Variants in MAGI2 observed in about 807,000 individuals in gnomAD.
MAGI2 encodes membrane-associated guanylate kinase, WW and PDZ domain-containing protein 2.
Under a neutral mutation model 133.3 loss-of-function variants are expected in MAGI2, and 35 were observed. The observed-to-expected ratio is 0.26, with a 90% CI of 0.20 to 0.35. The LOEUF is 0.35. Among genes scored for constraint, MAGI2 ranks in the 10% least tolerant of loss-of-function variants. The probability of loss-of-function intolerance (pLI) is 1.00; values close to 1 mark genes in which losing one functional copy is unlikely to be tolerated. For missense variants in MAGI2, 1,636 were observed against 1,863.4 expected (o/e 0.88, Z 2.25); for synonymous variants, 729 against 710.6 (o/e 1.03, Z -0.41).
At chr7:79,110,466 G>T (rs1174911000) in intron 1 of MAGI2, among the ~76,000 whole-genome samples, 1 of 152,164 alleles carries the variant, frequency 6.6e-6, no homozygotes, top group Non-Finnish European at 1.5e-5. Context: ...AAACTTGCAT[G>T]GGGCCTATAG....
chr7:78,671,456 T>C (rs570116587), intron 2 of MAGI2, among the ~76,000 whole-genome samples: 3 of 152,282 alleles, frequency 2.0e-5, no homozygotes, highest in East Asian at 3.9e-4. Flanking sequence ...CTGAAATTCA[T>C]GGACATGCCC....
chr7:78,484,330 AAGAT>A (rs961795064), intron 6 of MAGI2: 2 of 152,012 alleles, frequency 1.3e-5, no homozygotes, highest in Non-Finnish European at 2.9e-5. Flanking sequence ...CTTTTTTAAA[AAGAT>A]AGATTAATTA....
intron 1 of MAGI2, among the ~76,000 whole-genome samples, chr7:79,263,064 C>A (rs1359311656): frequency 6.6e-6 from 1 of 152,184 alleles, no homozygotes; most frequent in Non-Finnish European, 1.5e-5. Context: ...TAGAAGTAGA[C>A]AACCATGTGA....
chr7:78,100,271 A>G (rs1338152839), intron 20 of MAGI2, among the ~76,000 whole-genome samples: 3 of 152,188 alleles, frequency 2.0e-5, no homozygotes, highest in African/African-American at 7.2e-5. Flanking sequence ...TTTTCCCCAC[A>G]AAAGGATTTG....
chr7:78,131,886 AT>A (rs1307533293), intron 18 of MAGI2, among the ~76,000 whole-genome samples: 1 of 152,052 alleles, frequency 6.6e-6, no homozygotes, highest in African/African-American at 2.4e-5. Flanking sequence ...AATTTATTTT[AT>A]TTTTGAGACA....
chr7:78,710,184 A>T (rs1819040409), intron 2 of MAGI2, among the ~76,000 whole-genome samples: 1 of 152,174 alleles, frequency 6.6e-6, no homozygotes, highest in Non-Finnish European at 1.5e-5. Flanking sequence ...TATAGCAGAC[A>T]AGATTACACA....
intron 6 of MAGI2, among the ~76,000 whole-genome samples, chr7:78,381,062 T>C (rs1460915520): frequency 6.6e-6 from 1 of 152,070 alleles, no homozygotes; most frequent in Non-Finnish European, 1.5e-5. Context: ...TGAAACAAAA[T>C]GAGGCTAGGT....
chr7:78,907,685 T>C (rs73373298), intron 2 of MAGI2, among the ~76,000 whole-genome samples: 38 of 152,264 alleles, frequency 2.5e-4, no homozygotes, highest in African/African-American at 8.7e-4. Context: ...CTAAGTATAT[T>C]CATTTACCTG....
chr7:78,211,685 C>T (rs1325855405), intron 10 of MAGI2, among the ~76,000 whole-genome samples: 1 of 152,178 alleles, frequency 6.6e-6, no homozygotes, highest in Non-Finnish European at 1.5e-5. Flanking sequence ...TCATTTAATG[C>T]TTTTGATGGA....
chr7:79,095,348 C>G (rs572472353), intron 1 of MAGI2, among the ~76,000 whole-genome samples: 2 of 152,312 alleles, frequency 1.3e-5, no homozygotes, highest in Non-Finnish European at 2.9e-5. Context: ...TTTATCATTC[C>G]TATGTTCACT....
intron 1 of MAGI2, among the ~76,000 whole-genome samples, chr7:79,144,304 C>A (rs1219805183): frequency 3.9e-5 from 6 of 152,116 alleles, no homozygotes; most frequent in Non-Finnish European, 7.4e-5. Flanking sequence ...GAATTGTAAT[C>A]CCCAGTGGTT....
chr7:78,665,746 T>C (rs1004026112), intron 2 of MAGI2, among the ~76,000 whole-genome samples: 1 of 152,080 alleles, frequency 6.6e-6, no homozygotes, highest in Non-Finnish European at 1.5e-5. Flanking sequence ...GCCAAAATAA[T>C]ACATGGAAAG....
intron 3 of MAGI2, among the ~76,000 whole-genome samples, chr7:78,563,009 T>A (rs1299377667): frequency 6.6e-6 from 1 of 151,636 alleles, no homozygotes; most frequent in Admixed American, 6.6e-5. Context: ...TTTTTTTTTT[T>A]AATGAGTGGT....
intron 2 of MAGI2, among the ~76,000 whole-genome samples, chr7:78,978,890 A>G (rs1485895366): frequency 6.6e-6 from 1 of 151,822 alleles, no homozygotes; most frequent in Non-Finnish European, 1.5e-5. Context: ...AACAACTATG[A>G]AACCACTATA....
chr7:78,319,862 C>T (rs1469169887), intron 9 of MAGI2, among the ~76,000 whole-genome samples: 2 of 151,792 alleles, frequency 1.3e-5, no homozygotes, highest in Non-Finnish European at 2.9e-5. Flanking sequence ...AAAAGATCAA[C>T]AAAATAGACC....
chr7:79,396,082 T>C (rs1845031309), intron 1 of MAGI2, among the ~76,000 whole-genome samples: 3 of 152,208 alleles, frequency 2.0e-5, no homozygotes, highest in Non-Finnish European at 2.9e-5. Flanking sequence ...TCCCATCATT[T>C]AGCCCAGCGA....
chr7:78,199,409 C>T (rs113561261), intron 11 of MAGI2, among the ~76,000 whole-genome samples: 3 of 152,326 alleles, frequency 2.0e-5, no homozygotes, highest in African/African-American at 7.2e-5. Flanking sequence ...CATGTAGAGG[C>T]AACATGTTTT....
intron 1 of MAGI2, among the ~76,000 whole-genome samples, chr7:79,123,711 G>A (rs766873882): frequency 4.0e-5 from 6 of 150,316 alleles, no homozygotes; most frequent in African/African-American, 7.4e-5. Flanking sequence ...GCTTGAACCC[G>A]GGAGGCAGAG....
intron 9 of MAGI2, among the ~76,000 whole-genome samples, chr7:78,263,000 C>A (rs894836290): frequency 1.3e-5 from 2 of 152,078 alleles, no homozygotes; most frequent in African/African-American, 4.8e-5. Flanking sequence ...GTCTAGTAGT[C>A]CCCAGTGTCT....
Sources: allele counts gnomAD v4.1 joint callset (sites outside exome capture counted in the v4.1 genomes callset), GRCh38; gene constraint gnomAD v4.1.1; transcripts MANE v1.5; gene names NCBI Gene and HGNC (gene_info 2026-07-23, HGNC 2026-07-21).